The following NELL2 variants were observed in gnomAD, a reference collection of about 807,000 sequenced individuals.
NELL2 encodes protein kinase C-binding protein NELL2.
In NELL2, 41 loss-of-function variants were observed where a neutral mutation model predicts 109.6. The observed-to-expected ratio is 0.37, with a 90% CI of 0.29 to 0.49. The LOEUF (loss-of-function observed/expected upper bound fraction) is 0.49, where lower values mean the gene tolerates loss of function less well. Ranked by LOEUF, NELL2 falls within the 20% of genes least tolerant of loss-of-function variation. NELL2 has a pLI of 0.98. For synonymous variants in NELL2, 355 were observed against 344.7 expected (o/e 1.03, Z -0.33); for missense variants, 900 against 1,008.3 (o/e 0.89, Z 1.45).
intron 3 of NELL2, 144 bp downstream of exon 3, chr12:44,815,842 C>G: frequency 1.2e-6 from 1 of 808,148 alleles, no homozygotes; most frequent in South Asian, 2.0e-5. Context: ...TGGTCTTGAA[C>G]TCCTGACCTC....
intron 1 of NELL2, among the ~76,000 whole-genome samples, chr12:44,892,872 C>A (rs1329467512): frequency 1.3e-5 from 2 of 149,440 alleles, no homozygotes; most frequent in Admixed American, 1.3e-4. Context: ...GTAAGGAGCA[C>A]AATTGAGCTT....
intron 9 of NELL2, among the ~76,000 whole-genome samples, chr12:44,756,928 C>A (rs749192973): frequency 2.6e-5 from 4 of 152,168 alleles, no homozygotes; most frequent in Non-Finnish European, 4.4e-5. Flanking sequence ...CCAGCTCAGA[C>A]CTTTCTTCTA....
chr12:44,899,628 A>T (rs941874145), intron 1 of NELL2, among the ~76,000 whole-genome samples: 1 of 152,222 alleles, frequency 6.6e-6, no homozygotes, highest in African/African-American at 2.4e-5. Context: ...AAATATGGAA[A>T]GGAAAAACTG....
At chr12:44,843,214 A>T (rs973981494) in intron 2 of NELL2, among the ~76,000 whole-genome samples, 2 of 146,588 alleles carry the variant, frequency 1.4e-5, no homozygotes, top group African/African-American at 5.0e-5. Flanking sequence ...CTCAACAATT[A>T]AAAAAAAAAC....
intron 15 of NELL2, among the ~76,000 whole-genome samples, chr12:44,577,475 T>TTTG (rs1455646613): frequency 7.8e-6 from 1 of 128,972 alleles, no homozygotes. Context: ...GTTTTTTTTT[T>TTTG]TTTTTTTTTT....
intron 1 of NELL2, among the ~76,000 whole-genome samples, chr12:44,919,168 G>A (rs555005682): frequency 1.3e-5 from 2 of 152,140 alleles, no homozygotes; most frequent in East Asian, 1.9e-4. Context: ...TGATACAACT[G>A]CCTATCTGTA....
At chr12:44,636,520 T>C (rs1946641619) in intron 13 of NELL2, among the ~76,000 whole-genome samples, 1 of 152,174 alleles carries the variant, frequency 6.6e-6, no homozygotes, top group African/African-American at 2.4e-5. Flanking sequence ...CAAAGGCCTT[T>C]TCTGCATCTA....
intron 13 of NELL2, among the ~76,000 whole-genome samples, chr12:44,657,624 C>A (rs965234711): frequency 3.9e-5 from 6 of 152,136 alleles, no homozygotes; most frequent in Admixed American, 2.6e-4. Flanking sequence ...TGCTATCCCT[C>A]CCCTAGTCCC....
intron 15 of NELL2, among the ~76,000 whole-genome samples, chr12:44,553,891 G>GCA (rs1222677946): frequency 7.2e-5 from 11 of 151,916 alleles, no homozygotes; most frequent in Non-Finnish European, 1.6e-4. Flanking sequence ...GCACACACAC[G>GCA]CACACATCTG....
chr12:44,531,118 G>T lies in NELL2; in HGVS notation c.1804+1463C>A, dbSNP rs546215480. The stretch of plus-strand genomic sequence containing the variant: ...AGATGCACAGAAAAAAGTGTGCAAG[G>T]ATACTAACCCAAATTAAACATAGGT... On this transcript the variant is annotated intron_variant, in intron 16 of 19. Transcript: ENST00000429094. Among the ~76,000 whole-genome samples the T allele has an allele frequency of 5.9e-5, 9 of 152,272 alleles. No individual in the cohort carries two copies. In the East Asian group the frequency reaches 1.7e-3, roughly 29 times the overall value.
intron 15 of NELL2, among the ~76,000 whole-genome samples, chr12:44,553,017 G>A (rs1322898398): frequency 6.8e-6 from 1 of 148,118 alleles, no homozygotes; most frequent in Non-Finnish European, 1.5e-5. Flanking sequence ...ACTATCGCAA[G>A]AACAAAAAAC....
At chr12:44,596,233 T>G (rs1256157310) in intron 15 of NELL2, among the ~76,000 whole-genome samples, 1 of 152,184 alleles carries the variant, frequency 6.6e-6, no homozygotes, top group Non-Finnish European at 1.5e-5. Flanking sequence ...TAAGAAATCT[T>G]TAATGTGGAT....
chr12:44,575,207 T>C (rs1379014612), intron 15 of NELL2, among the ~76,000 whole-genome samples: 1 of 152,236 alleles, frequency 6.6e-6, no homozygotes, highest in African/African-American at 2.4e-5. Flanking sequence ...CAAAAATAAA[T>C]AGAAATTCGT....
chr12:44,854,080 T>G (rs1379997034), intron 2 of NELL2, among the ~76,000 whole-genome samples: 6 of 152,192 alleles, frequency 3.9e-5, no homozygotes, highest in Admixed American at 3.9e-4. Context: ...TTTAAATAAG[T>G]TCTAAAAATA....
At chr12:44,610,751 C>T in intron 14 of NELL2, 97 bp downstream of exon 14, 1 of 1,521,908 alleles carries the variant, frequency 6.6e-7, no homozygotes, top group Non-Finnish European at 9.0e-7. Context: ...TAGGAAGTAC[C>T]TGGAATGTAC....
At chr12:44,903,543 T>C (rs1455053300) in intron 1 of NELL2, among the ~76,000 whole-genome samples, 2 of 152,174 alleles carry the variant, frequency 1.3e-5, no homozygotes, top group East Asian at 1.9e-4. Context: ...ACTGGTTATA[T>C]ACCCAAAGGA....
intron 2 of NELL2, among the ~76,000 whole-genome samples, chr12:44,872,831 T>C (rs987901459): frequency 3.3e-5 from 5 of 152,188 alleles, no homozygotes; most frequent in African/African-American, 1.2e-4. Context: ...GTATATACCG[T>C]ACAAAATATC....
At chr12:44,814,858 T>C (rs578113428) in intron 3 of NELL2, among the ~76,000 whole-genome samples, 1 of 152,336 alleles carries the variant, frequency 6.6e-6, no homozygotes, top group Non-Finnish European at 1.5e-5. Context: ...CCAGACTGCC[T>C]CATCTGCGAT....
chr12:44,791,044 G>C (rs1942363057), intron 3 of NELL2, among the ~76,000 whole-genome samples: 1 of 117,350 alleles, frequency 8.5e-6, no homozygotes, highest in African/African-American at 3.3e-5. Flanking sequence ...AAAGGAGATA[G>C]ACACCAAGAA....
Sources: gnomAD v4.1 joint callset for allele counts (sites outside exome capture counted in the v4.1 genomes callset) on GRCh38, gnomAD v4.1.1 for gene constraint, MANE v1.5 for transcripts, NCBI Gene and HGNC (gene_info 2026-07-23, HGNC 2026-07-21) for gene names.